The following ATP13A2 variants were observed in gnomAD, a reference collection of about 807,000 sequenced individuals.
ATP13A2 encodes ATPase cation transporting 13A2, also known as polyamine-transporting ATPase 13A2.
Under a neutral mutation model 138.3 loss-of-function variants are expected in ATP13A2, and 83 were observed. That is an observed-to-expected ratio of 0.60 (90% CI 0.50 to 0.72). The LOEUF (loss-of-function observed/expected upper bound fraction) is 0.72. Among genes scored for constraint, ATP13A2 ranks in the 30% least tolerant of loss-of-function variants. The pLI, the probability that ATP13A2 is intolerant of heterozygous loss-of-function variation, is 0.00. For missense variants in ATP13A2, 1,402 were observed against 1,606.4 expected (o/e 0.87, Z 2.17); for synonymous variants, 663 against 699.0 (o/e 0.95, Z 0.81).
chr1:17,005,597 C>T (rs372181179), intron 2 of ATP13A2, 41 bp from the exon 3 acceptor site: 78 of 1,613,842 alleles, frequency 4.8e-5, no homozygotes, highest in Non-Finnish European at 5.8e-5. Context: ...GGGGTGGGAA[C>T]GGGGCTGGAG....
In ATP13A2 at chr1:17,000,418, C is replaced by G; in HGVS notation, c.822G>C (p.Ser274=). 6.2e-7 allele frequency: 1 copy of G among 1,613,536 alleles called. No individual in the cohort carries two copies. The highest frequency in any genetic ancestry group is 8.5e-7 in the Non-Finnish European group (1 of 1,179,746). The change falls in exon 9 of 29, where the codon TCG becomes TCC. Residue 274 remains serine (S), a synonymous_variant. Transcript: ENST00000326735. ...FLISSISICL[S]LYKTRKQSQT... Reference sequence around the variant, plus strand: ...CACTCACCTTTCTGGTCTTGTACAGCGACAGGCAGATGGAGATGGAGGAAA... The same window carrying G: ...CACTCACCTTTCTGGTCTTGTACAGGGACAGGCAGATGGAGATGGAGGAAA...
intron 1 of ATP13A2, among the ~76,000 whole-genome samples, chr1:17,007,482 C>A (rs535093971): frequency 1.3e-5 from 2 of 150,864 alleles, no homozygotes; most frequent in African/African-American, 4.9e-5. Flanking sequence ...TGGGCGGGTG[C>A]GGGGTAGGCT....
rs2077124773 is a variant in ATP13A2 at position 16,996,379 on chromosome 1, C to T, written c.1306+7G>A. On this transcript the variant is annotated splice_region_variant and intron_variant, in intron 13 of 28. Transcript: ENST00000326735. ...ATGGGCAGAGGAGGGTGCAGGGGGCCACTCACCCAGGACAGAGAGGGCAGC... is the reference window on the plus strand; with the variant it reads ...ATGGGCAGAGGAGGGTGCAGGGGGCTACTCACCCAGGACAGAGAGGGCAGC... 1.2e-6 allele frequency: 2 copies of T among 1,613,778 alleles called. No homozygotes were observed. The highest frequency in any genetic ancestry group is 2.2e-5 in the South Asian group (2 of 91,076).
chr1:16,996,111 C>T lies in ATP13A2; in HGVS notation c.1407G>A (p.Val469=). Residue 469 remains valine, a synonymous_variant, in exon 15 of 29, where the codon GTG becomes GTA. Coordinates refer to ENST00000326735, the MANE Select transcript of ATP13A2 (RefSeq NM_022089.4). ...IRALDLVTVV[V]PPALPAAMTV... ...TCATGGCAGCAGGCAGGGCAGGTGG[C>T]ACCACCACGGTCACCAGGTCGAGAG... 1 of 1,614,086 alleles carries T rather than the reference C, an allele frequency of 6.2e-7. No individual in the cohort carries two copies. The highest frequency in any genetic ancestry group is 8.5e-7 in the Non-Finnish European group (1 of 1,180,046).
At position 16,992,001 on chromosome 1, in the gene ATP13A2, AGGCCCACCTCGTC is replaced by A; in HGVS notation, c.2121_2126+7del. On this transcript the variant is annotated splice_donor_variant and splice_donor_5th_base_variant and coding_sequence_variant and intron_variant, in exon 19 of 29. Transcript: ENST00000326735. LOFTEE classifies it high-confidence loss of function. ...CCTCAGAGTGGGTGGGACAGGAGAC[AGGCCCACCTCGTC>A]AGTTGCTGGGCTGCCTCCAGGCTGG... 3 of 1,611,782 alleles carry A rather than the reference AGGCCCACCTCGTC, an allele frequency of 1.9e-6. No individual in the cohort carries two copies. The highest frequency in any genetic ancestry group is 2.5e-6 in the Non-Finnish European group (3 of 1,178,514).
intron 3 of ATP13A2, 138 bp from the exon 4 acceptor site, chr1:17,005,210 C>A: frequency 6.9e-7 from 1 of 1,456,264 alleles, no homozygotes; most frequent in Non-Finnish European, 9.5e-7. Context: ...CCGACCCGTC[C>A]CTTCTGCCCA....
At position 16,992,378 on chromosome 1, in the gene ATP13A2, C is replaced by T. The variant is rs368423685; in HGVS notation, c.1870G>A (p.Val624Ile). 177 of 1,613,534 alleles carry T rather than the reference C, an allele frequency of 1.1e-4. 1 individual carries two copies. The highest frequency in any genetic ancestry group is 3.3e-4 in the Middle Eastern group (2 of 6,084). ...AMEEPPVPVS[V>I]LHRFPFSSAL... is the part of the protein sequence containing the mutation. ...GAAGAGAAGGGGAAGCGGTGGAGGA[C>T]GCTGACTGGCACCGGGGGCTCCTCC... Residue 624 changes from valine (V) to isoleucine (I), a missense_variant, in exon 18 of 29, where the codon GTC becomes ATC. Val to Ile is a conservative substitution (Grantham distance 29). Transcript: ENST00000326735.
Position 16,990,082 on chromosome 1 carries a change from G to A in ATP13A2, c.2412+45C>T, listed in dbSNP as rs77880760. The A allele has an allele frequency of 5.0e-6, 8 of 1,613,692 alleles. No homozygotes were observed. In the Admixed American group the frequency reaches 5.0e-5, roughly 10 times the overall value. On this transcript the variant is annotated intron_variant, in intron 21 of 28. Coordinates refer to ENST00000326735, the MANE Select transcript of ATP13A2 (RefSeq NM_022089.4). Reference sequence around the variant, plus strand: ...GGCCTGGGTCAGGTGACACAGGGGTGGGGTCACTGGGTGAGGTACAGCTGG... The same window carrying A: ...GGCCTGGGTCAGGTGACACAGGGGTAGGGTCACTGGGTGAGGTACAGCTGG...
intron 16 of ATP13A2, among the ~76,000 whole-genome samples, chr1:16,993,032 T>C (rs1407662230): frequency 6.6e-6 from 1 of 152,002 alleles, no homozygotes; most frequent in Non-Finnish European, 1.5e-5. Context: ...TCTCCTGCCC[T>C]CAGCCTCCCA....
chr1:17,005,132 C>T (rs186544867), intron 3 of ATP13A2, 60 bp from the exon 4 acceptor site: 3 of 1,606,850 alleles, frequency 1.9e-6, no homozygotes, highest in East Asian at 2.2e-5. Flanking sequence ...CAGGCCCTGT[C>T]CTACAGCCAG....
chr1:17,004,584 G>GGGAC lies in ATP13A2; in HGVS notation c.477+104_477+107dup, dbSNP rs2077480326. 3.1e-6 allele frequency: 5 copies of GGGAC among 1,602,854 alleles called. No individual in the cohort carries two copies. Among genetic ancestry groups the GGGAC allele is most frequent in the Non-Finnish European group, 4.3e-6 (5 of 1,172,330 alleles). On this transcript the variant is annotated intron_variant, in intron 5 of 28. Coordinates refer to ENST00000326735, the MANE Select transcript of ATP13A2 (RefSeq NM_022089.4). This position sits in a 1 kb window ranked among gnomAD's most constrained non-coding sequence, Gnocchi z 4.1. ...TGCTCAGACAGCATCCTGGATGTTTGGGACAACAGAACTAAAAGGTGGTGG... is the reference window on the plus strand; with the variant it reads ...TGCTCAGACAGCATCCTGGATGTTTGGGACGGACAACAGAACTAAAAGGTGGTGG...
chr1:16,996,941 G>A (rs2077149285), intron 12 of ATP13A2, 79 bp downstream of exon 12: 8 of 1,539,862 alleles, frequency 5.2e-6, no homozygotes, highest in Non-Finnish European at 7.0e-6. Context: ...AGGGTTCCAG[G>A]TCCCACCCTG....
intron 1 of ATP13A2, among the ~76,000 whole-genome samples, chr1:17,007,215 G>C (rs1051561350): frequency 6.6e-6 from 1 of 152,152 alleles, no homozygotes; most frequent in African/African-American, 2.4e-5. Context: ...GTGCTGTAGA[G>C]CTGTGGCCTT....
chr1:17,000,961 A>C, intron 8 of ATP13A2: 1 of 193,296 alleles, frequency 5.2e-6, no homozygotes. Context: ...AAACAAATAA[A>C]TAAATAGGAT....
rs935227731 is a variant in ATP13A2 at position 16,995,463 on chromosome 1, C to G, written c.1542+513G>C. 7.4e-6 allele frequency: 2 copies of G among 269,176 alleles called. No individual in the cohort carries two copies. Among genetic ancestry groups the G allele is most frequent in the Admixed American group, 5.1e-5 (1 of 19,570 alleles). The allele number at this position is 269,176 out of a possible 1,614,324, so 16.7% of individuals were successfully genotyped here. On this transcript the variant is annotated intron_variant, in intron 15 of 28. Transcript: ENST00000326735. The surrounding 1 kb of genome is among the most constrained non-coding windows in gnomAD (Gnocchi z 4.1). The stretch of plus-strand genomic sequence containing the variant: ...GATGCACACTAGGGCCCCAGGTCCC[C>G]ACCAGTAATTTTTTTTTTTTTTTGA...
In ATP13A2 at chr1:16,995,738, G is replaced by A. The variant is rs1247473650; in HGVS notation, c.1542+238C>T. 8.1e-6 allele frequency: 5 copies of A among 620,498 alleles called. No homozygotes were observed. Among genetic ancestry groups the A allele is most frequent in the African/African-American group, 7.2e-5 (4 of 55,472 alleles). 38.4% of individuals were successfully genotyped at this position (620,498 alleles called of 1,614,324 possible). On this transcript the variant is annotated intron_variant, in intron 15 of 28. Transcript: ENST00000326735. The surrounding 1 kb of genome is among the most constrained non-coding windows in gnomAD (Gnocchi z 4.1). ...TGGGATTACAGACGTGAGCCACCGC[G>A]CCCGGCCCCCCACCAGTTCTTGAAC...
rs377431904 is a variant in ATP13A2 at position 16,986,847 on chromosome 1, C to T, written c.3193G>A (p.Val1065Met). 111 of 1,613,932 alleles carry T rather than the reference C, an allele frequency of 6.9e-5. No individual in the cohort carries two copies. Among genetic ancestry groups the T allele is most frequent in the Admixed American group, 1.2e-4 (7 of 60,008 alleles). Residue 1065 changes from valine to methionine, a missense_variant, in exon 27 of 29, where the codon GTG becomes ATG. Coordinates refer to ENST00000326735, the MANE Select transcript of ATP13A2 (RefSeq NM_022089.4). This position sits in a 1 kb window ranked among gnomAD's most constrained non-coding sequence, Gnocchi z 6.9. ...SFQYLILAAA[V>M]SKGAPFRRPL... is the part of the protein sequence containing the mutation. Reference sequence around the variant, plus strand: ...CGGCGGAAGGGCGCCCCCTTGGACACGGCTGCAGCCAGGATGAGGTACTGG... The same window carrying T: ...CGGCGGAAGGGCGCCCCCTTGGACATGGCTGCAGCCAGGATGAGGTACTGG...
chr1:16,986,499 C>G lies in ATP13A2; in HGVS notation c.3369G>C (p.Leu1123=), dbSNP rs1185253559. 6.2e-7 allele frequency: 1 copy of G among 1,612,634 alleles called. No homozygotes were observed. ...DTGFKLLLLG[L]VTLNFVGAFM... is the part of the protein sequence containing the mutation. ...AGGCCCCCACGAAGTTGAGGGTGAC[C>G]AGACCCAGCAGCAGCAGCTTGAAGC... Residue 1123 remains leucine (L), a synonymous_variant, in exon 28 of 29, where the codon CTG becomes CTC. Coordinates refer to ENST00000326735, the MANE Select transcript of ATP13A2 (RefSeq NM_022089.4). The surrounding 1 kb of genome is among the most constrained non-coding windows in gnomAD (Gnocchi z 6.9).
At chr1:16,994,184 G>GCGCTCTCTCTCTCTCTCT (rs1553167828) in intron 15 of ATP13A2, among the ~76,000 whole-genome samples, 6 of 148,400 alleles carry the variant, frequency 4.0e-5, no homozygotes, top group African/African-American at 1.5e-4. Flanking sequence ...CGGTTGGCTC[G>GCGCTCTCTCTCTCTCTCT]CTCTCTCTCT....
Sources: gnomAD v4.1 joint callset for allele counts (sites outside exome capture counted in the v4.1 genomes callset) on GRCh38, gnomAD v4.1.1 for gene constraint, Gnocchi (gnomAD v3.1) non-coding constraint, MANE v1.5 for transcripts, NCBI Gene and HGNC (gene_info 2026-07-23, HGNC 2026-07-21) for gene names.